KCNT2: variants seen among roughly 807,000 people sequenced by gnomAD.
KCNT2 encodes the protein potassium sodium-activated channel subfamily T member 2.
KCNT2 carries 67 observed loss-of-function variants against 153.8 expected under a neutral mutation model. The observed-to-expected ratio is 0.44, with a 90% CI of 0.36 to 0.53. The LOEUF (loss-of-function observed/expected upper bound fraction) is 0.53. KCNT2 is among the 20% of genes least tolerant of loss of function. KCNT2 has a pLI of 0.00. For missense variants in KCNT2, 975 were observed against 1,354.8 expected (o/e 0.72, Z 4.40); for synonymous variants, 500 against 458.8 (o/e 1.09, Z -1.15).
chr1:196,356,851 G>A (rs1667214466), intron 14 of KCNT2, among the ~76,000 whole-genome samples: 3 of 151,454 alleles, frequency 2.0e-5, no homozygotes, highest in South Asian at 2.1e-4. Flanking sequence ...CTACTGAACC[G>A]CAAATTCGAA....
At chr1:196,441,506 CCAAA>C (rs1402027409) in intron 8 of KCNT2, among the ~76,000 whole-genome samples, 4 of 150,948 alleles carry the variant, frequency 2.6e-5, no homozygotes, top group East Asian at 2.0e-4. Flanking sequence ...TAAGGCTGTA[CCAAA>C]CAGAGTGCTA....
intron 13 of KCNT2, among the ~76,000 whole-genome samples, chr1:196,381,736 G>C (rs1007998095): frequency 6.6e-6 from 1 of 152,148 alleles, no homozygotes; most frequent in Middle Eastern, 3.4e-3. Context: ...CAAATGGCTG[G>C]AGCATCCATT....
chr1:196,494,547 A>C (rs959820365), intron 1 of KCNT2, among the ~76,000 whole-genome samples: 5 of 151,932 alleles, frequency 3.3e-5, no homozygotes, highest in South Asian at 2.1e-4. Context: ...TACAGGCGCC[A>C]GCCACCATGC....
chr1:196,237,040 T>A (rs947597481), intron 26 of KCNT2, among the ~76,000 whole-genome samples: 1 of 151,578 alleles, frequency 6.6e-6, no homozygotes, highest in East Asian at 1.9e-4. Context: ...AACTAAATTT[T>A]TCAGTTTGAC....
chr1:196,500,820 A>G (rs1048106922), intron 1 of KCNT2, among the ~76,000 whole-genome samples: 3 of 152,234 alleles, frequency 2.0e-5, no homozygotes, highest in Non-Finnish European at 4.4e-5. Flanking sequence ...GCTAATATCC[A>G]GAATCTACAA....
At chr1:196,350,216 A>T (rs1421853730) in intron 14 of KCNT2, among the ~76,000 whole-genome samples, 1 of 152,170 alleles carries the variant, frequency 6.6e-6, no homozygotes, top group African/African-American at 2.4e-5. Flanking sequence ...CTTTGGGTAT[A>T]TACCCAGTAA....
At chr1:196,373,781 A>G (rs936864016) in intron 13 of KCNT2, among the ~76,000 whole-genome samples, 5 of 151,948 alleles carry the variant, frequency 3.3e-5, no homozygotes, top group Admixed American at 6.6e-5. Flanking sequence ...TATGAAAATA[A>G]CTGTAATATC....
intron 25 of KCNT2, among the ~76,000 whole-genome samples, chr1:196,260,263 A>G (rs1233189708): frequency 1.3e-5 from 2 of 151,940 alleles, no homozygotes; most frequent in South Asian, 2.1e-4. Context: ...AATATCACTT[A>G]TAATTCAAGT....
intron 1 of KCNT2, among the ~76,000 whole-genome samples, chr1:196,522,831 C>T (rs112245271): frequency 7.4e-4 from 112 of 152,190 alleles, no homozygotes; most frequent in African/African-American, 2.6e-3. Context: ...ATTGTAAATG[C>T]ACCAATCAGC....
At chr1:196,329,103 G>C (rs1664181932) in intron 18 of KCNT2, among the ~76,000 whole-genome samples, 1 of 152,060 alleles carries the variant, frequency 6.6e-6, no homozygotes, top group Admixed American at 6.6e-5. Flanking sequence ...AGAGAACAGA[G>C]AATTTAGTGT....
chr1:196,455,591 G>A (rs1283417224), intron 8 of KCNT2, among the ~76,000 whole-genome samples: 1 of 151,628 alleles, frequency 6.6e-6, no homozygotes. Flanking sequence ...CTATAGTATT[G>A]ATTAGTTATT....
intron 26 of KCNT2, among the ~76,000 whole-genome samples, chr1:196,248,789 G>T (rs918807732): frequency 4.6e-5 from 7 of 152,096 alleles, no homozygotes; most frequent in Non-Finnish European, 1.0e-4. Context: ...TACTTCCAAA[G>T]TCTTTCTAAG....
chr1:196,300,633 C>A (rs558242819), intron 22 of KCNT2, among the ~76,000 whole-genome samples: 1 of 152,252 alleles, frequency 6.6e-6, no homozygotes, highest in East Asian at 1.9e-4. Context: ...CATGATACCC[C>A]CTTTGTCCAA....
chr1:196,392,332 G>A (rs1670562339), intron 13 of KCNT2, among the ~76,000 whole-genome samples: 1 of 150,898 alleles, frequency 6.6e-6, no homozygotes, highest in Non-Finnish European at 1.5e-5. Flanking sequence ...AGTTTCTGAT[G>A]ATCTCCACGA....
chr1:196,435,133 GTGTATGTATATATATATATATATATA>G (rs1347485921), intron 8 of KCNT2, among the ~76,000 whole-genome samples: 25 of 87,886 alleles, frequency 2.8e-4, no homozygotes, highest in South Asian at 9.2e-4. Flanking sequence ...ATGTGTGTGT[GTGTATGTATATATATATATATATATA>G]TATATATATA....
In KCNT2 at chr1:196,534,793, C is replaced by T. The variant is rs564405140; in HGVS notation, c.96-42452G>A. On this transcript the variant is annotated intron_variant, in intron 1 of 27. Coordinates refer to ENST00000294725, the MANE Select transcript of KCNT2 (RefSeq NM_198503.5). The stretch of plus-strand genomic sequence containing the variant: ...AAAAGCAGGTCACTTTGTGGAACTT[C>T]GTGGAAATGACCCAACTTCACTGAT... 7.2e-5 allele frequency among the ~76,000 whole-genome samples: 11 copies of T among 152,246 alleles called. No homozygotes were observed. The South Asian group carries it at 2.1e-3, about 29-fold the overall frequency.
At chr1:196,339,909 C>G (rs568320626) in intron 16 of KCNT2, among the ~76,000 whole-genome samples, 5 of 151,278 alleles carry the variant, frequency 3.3e-5, no homozygotes, top group Admixed American at 2.6e-4. Flanking sequence ...AATAGCCTCT[C>G]TTGATGATAA....
chr1:196,400,681 G>GC (rs1184659001), intron 12 of KCNT2, among the ~76,000 whole-genome samples: 1 of 151,742 alleles, frequency 6.6e-6, no homozygotes, highest in African/African-American at 2.4e-5. Flanking sequence ...GCTGACACCA[G>GC]CAAGAAATGT....
At chr1:196,279,557 G>A (rs1658900279) in intron 25 of KCNT2, among the ~76,000 whole-genome samples, 1 of 151,716 alleles carries the variant, frequency 6.6e-6, no homozygotes, top group South Asian at 2.1e-4. Context: ...CGAGTAGCTG[G>A]GACTACAGGT....
Sources: gnomAD v4.1 joint callset for allele counts (sites outside exome capture counted in the v4.1 genomes callset) on GRCh38, gnomAD v4.1.1 for gene constraint, MANE v1.5 for transcripts, NCBI Gene and HGNC (gene_info 2026-07-23, HGNC 2026-07-21) for gene names.